Variants in MAP3K12 observed in about 807,000 individuals in gnomAD.
MAP3K12 encodes MAPK-upstream kinase.
Under a neutral mutation model 87.5 loss-of-function variants are expected in MAP3K12, and 14 were observed. That is an observed-to-expected ratio of 0.16 (90% CI 0.11 to 0.25). The LOEUF is 0.25. Ranked by LOEUF, MAP3K12 falls within the 10% of genes least tolerant of loss-of-function variation. MAP3K12 has a pLI of 1.00. For missense variants in MAP3K12, 802 were observed against 1,140.4 expected (o/e 0.70, Z 4.27); for synonymous variants, 469 against 452.5 (o/e 1.04, Z -0.46).
At position 53,483,661 on chromosome 12, in the gene MAP3K12, A is replaced by G; in HGVS notation, c.1421T>C (p.Met474Thr). Reference sequence around the variant, plus strand: ...CTGCAACATGAGGGCATTAAGTTCCATATACAGGTTGTTGGCTCTCTCCAG... The same window carrying G: ...CTGCAACATGAGGGCATTAAGTTCCGTATACAGGTTGTTGGCTCTCTCCAG... The part of the protein sequence containing the change: ...RKLERANNLY[M>T]ELNALMLQLE... The change falls in exon 9 of 14, where the codon ATG becomes ACG. Residue 474 changes from methionine to threonine, a missense_variant. Physicochemically the swap from Met to Thr is moderately conservative, Grantham distance 81 (BLOSUM62 -1). Around this residue, in one of 5 missense-constraint regions of MAP3K12, gnomAD observed 99 missense variants for 193.4 expected, o/e 0.51. Transcript: ENST00000547488. 3 of 1,613,990 alleles carry G rather than the reference A, an allele frequency of 1.9e-6. No individual in the cohort carries two copies. Among genetic ancestry groups the G allele is most frequent in the Non-Finnish European group, 2.5e-6 (3 of 1,180,020 alleles).
At chr12:53,491,594 C>A (rs886144330) in intron 1 of MAP3K12, among the ~76,000 whole-genome samples, 1 of 151,282 alleles carries the variant, frequency 6.6e-6, no homozygotes, top group East Asian at 2.0e-4. Flanking sequence ...CCACGACGCC[C>A]GGCTAATTTT....
chr12:53,481,288 A>G lies in MAP3K12; in HGVS notation c.2581-8T>C. 6.6e-6 allele frequency: 10 copies of G among 1,507,462 alleles called. No individual in the cohort carries two copies. Among genetic ancestry groups the G allele is most frequent in the Non-Finnish European group, 8.9e-6 (10 of 1,121,352 alleles). 93.4% of individuals were successfully genotyped at this position (1,507,462 alleles called of 1,614,324 possible). ...CTCAGAATTGGGAGGGCCCTGTGAGAAAGAGTAGAAATGGAGTGAGATTCC... is the reference window on the plus strand; with the variant it reads ...CTCAGAATTGGGAGGGCCCTGTGAGGAAGAGTAGAAATGGAGTGAGATTCC... On this transcript the variant is annotated splice_polypyrimidine_tract_variant and splice_region_variant and intron_variant, in intron 13 of 13. Transcript: ENST00000547488.
chr12:53,491,006 C>T (rs958039419), intron 1 of MAP3K12, among the ~76,000 whole-genome samples: 4 of 151,990 alleles, frequency 2.6e-5, no homozygotes, highest in South Asian at 2.1e-4. Context: ...GGAAGGCTTA[C>T]GGCTGGGCGT....
At position 53,483,181 on chromosome 12, in the gene MAP3K12, A is replaced by C; in HGVS notation, c.1622T>G (p.Ile541Ser). ...AGGGAGCAAAGACTCCGTCTTGAGG[A>C]TATCTGGCCTGGAAGAAGAGGAAAA... The part of the protein sequence containing the change: ...KLSPHSKRPD[I>S]LKTESLLPKL... Residue 541 changes from isoleucine to serine, a missense_variant, in exon 11 of 14, where the codon ATC becomes AGC. Around this residue, in one of 5 missense-constraint regions of MAP3K12, gnomAD observed 490 missense variants for 496.6 expected, o/e 0.99. Coordinates refer to ENST00000547488, the MANE Select transcript of MAP3K12 (RefSeq NM_001193511.2). 6.6e-7 allele frequency: 1 copy of C among 1,524,774 alleles called. No individual in the cohort carries two copies. The allele number at this position is 1,524,774 out of a possible 1,614,324, so 94.5% of individuals were successfully genotyped here.
chr12:53,483,533 G>A, intron 9 of MAP3K12, 47 bp from the exon 10 acceptor site: 1 of 1,613,828 alleles, frequency 6.2e-7, no homozygotes, highest in South Asian at 1.1e-5. Context: ...CCAGGAAGGG[G>A]CACCCCAGTC....
At position 53,481,066 on chromosome 12, in the gene MAP3K12, T is replaced by A. The variant is rs1299715883; in HGVS notation, c.*116A>T. On this transcript the variant is annotated 3_prime_UTR_variant, in exon 14 of 14. Coordinates refer to ENST00000547488, the MANE Select transcript of MAP3K12 (RefSeq NM_001193511.2). Reference sequence around the variant, plus strand: ...GGGATCAGTCTCCCTCGAGCCTGACTTACGGCTGGGACAGCCCCATCTTTC... The same window carrying A: ...GGGATCAGTCTCCCTCGAGCCTGACATACGGCTGGGACAGCCCCATCTTTC... 2.8e-6 allele frequency: 1 copy of A among 362,608 alleles called. No homozygotes were observed. Among genetic ancestry groups the A allele is most frequent in the African/African-American group, 2.2e-5 (1 of 45,398 alleles). 22.5% of individuals were successfully genotyped at this position (362,608 alleles called of 1,614,324 possible).
At chr12:53,485,954 G>A in intron 4 of MAP3K12, 102 bp downstream of exon 4, 3 of 1,098,692 alleles carry the variant, frequency 2.7e-6, no homozygotes, top group Non-Finnish European at 3.9e-6. Flanking sequence ...TTCTGAGATG[G>A]CCACATGGAC....
chr12:53,484,334 G>A lies in MAP3K12; in HGVS notation c.1171C>T (p.Arg391Ter). ...ATGTCCAGATGCAGCAGGATCTGTCGGAATGATGGGCGATTTCGTGGTTTG... is the reference window on the plus strand; with the variant it reads ...ATGTCCAGATGCAGCAGGATCTGTCAGAATGATGGGCGATTTCGTGGTTTG... ...NSKPRNRPSF[R>*]QILLHLDIAS... The change falls in exon 7 of 14, where the codon CGA (arginine) becomes TGA (stop). Residue 391 changes from arginine to a stop codon, truncating the protein, a stop_gained. Coordinates refer to ENST00000547488, the MANE Select transcript of MAP3K12 (RefSeq NM_001193511.2). LOFTEE classifies it high-confidence loss of function. 1 of 1,614,180 alleles carries A rather than the reference G, an allele frequency of 6.2e-7. No individual in the cohort carries two copies. Among genetic ancestry groups the A allele is most frequent in the Non-Finnish European group, 8.5e-7 (1 of 1,180,028 alleles).
Position 53,483,399 on chromosome 12 carries a change from C to T in MAP3K12, c.1563G>A (p.Lys521=), listed in dbSNP as rs149294066. 1.2e-6 allele frequency: 2 copies of T among 1,614,132 alleles called. No homozygotes were observed. The highest frequency in any genetic ancestry group is 2.2e-5 in the East Asian group (1 of 44,862). Residue 521 remains lysine, a synonymous_variant, in exon 10 of 14, where the codon AAG becomes AAA. Coordinates refer to ENST00000547488, the MANE Select transcript of MAP3K12 (RefSeq NM_001193511.2). ...RGLLHGNTME[K]LIKKRNVPQK... ...GTGGCACATTCCTCTTCTTGATAAG[C>T]TTCTCCATTGTGTTTCCATGCAGGA... is the stretch of plus-strand genomic sequence containing the variant.
In MAP3K12 at chr12:53,479,778, A is replaced by G. The variant is rs1349660887; in HGVS notation, c.*1404T>C. On this transcript the variant is annotated 3_prime_UTR_variant, in exon 14 of 14. Coordinates refer to ENST00000547488, the MANE Select transcript of MAP3K12 (RefSeq NM_001193511.2). ...GTAATGTCAGGAATTTTTCAAAAAA[A>G]TTAAAAGATGGACTGGAGCTTTTTC... 5.4e-6 allele frequency: 1 copy of G among 186,512 alleles called. No homozygotes were observed. Among genetic ancestry groups the G allele is most frequent in the Admixed American group, 6.0e-5 (1 of 16,678 alleles). The allele number at this position is 186,512 out of a possible 1,614,324, so 11.6% of individuals were successfully genotyped here. A position where few individuals can be genotyped will look rare whatever the true frequency, so the allele number is the denominator to read the frequency against.
intron 1 of MAP3K12, among the ~76,000 whole-genome samples, chr12:53,498,726 G>A (rs1423892414): frequency 6.6e-6 from 1 of 152,082 alleles, no homozygotes; most frequent in Non-Finnish European, 1.5e-5. Context: ...AAAGAGGAGG[G>A]AGAAACCCAC....
chr12:53,491,287 C>CAAAAAAA (rs780256956), intron 1 of MAP3K12, among the ~76,000 whole-genome samples: 559 of 52,760 alleles, frequency 0.011, 25 homozygotes, highest in East Asian at 0.075. Flanking sequence ...GACTCTGTCT[C>CAAAAAAA]AAAAAAAAAA....
intron 9 of MAP3K12, 49 bp from the exon 10 acceptor site, chr12:53,483,535 AC>A (rs2137182095): frequency 6.2e-7 from 1 of 1,613,812 alleles, no homozygotes; most frequent in East Asian, 2.2e-5. Flanking sequence ...AGGAAGGGGC[AC>A]CCCAGTCTCA....
At chr12:53,496,430 T>C (rs926201419) in intron 1 of MAP3K12, among the ~76,000 whole-genome samples, 2 of 152,192 alleles carry the variant, frequency 1.3e-5, no homozygotes, top group Non-Finnish European at 2.9e-5. Flanking sequence ...AGATCCTCCC[T>C]TTGATCACGT....
chr12:53,497,359 T>G (rs140531089), intron 1 of MAP3K12, among the ~76,000 whole-genome samples: 2 of 152,018 alleles, frequency 1.3e-5, no homozygotes, highest in Admixed American at 6.6e-5. Context: ...AGGGAGGGTA[T>G]GGGTGGAAAG....
Position 53,487,125 on chromosome 12 carries a change from C to A in MAP3K12, c.267G>T (p.Gly89=). Reference sequence around the variant, plus strand: ...GTGACCCAGCTGCTCCCCCTGGGCCCCCTGCATCCTGCTCATGTAGCTGCA... The same window carrying A: ...GTGACCCAGCTGCTCCCCCTGGGCCACCTGCATCCTGCTCATGTAGCTGCA... The part of the protein sequence containing the change: ...SVLQLHEQDA[G]GPGGAAGSPE... The change falls in exon 2 of 14, where the codon GGG becomes GGT. Residue 89 remains glycine (G), a synonymous_variant. Transcript: ENST00000547488. 1 of 1,614,036 alleles carries A rather than the reference C, an allele frequency of 6.2e-7. No homozygotes were observed. The highest frequency in any genetic ancestry group is 8.5e-7 in the Non-Finnish European group (1 of 1,179,998).
Position 53,486,294 on chromosome 12 carries a change from A to C in MAP3K12, c.630-47T>G. ...GAAGGCCTCAGCTGGCTCAGCATTC[A>C]CCTGATTCATACCTGGAACCCCCAT... is the stretch of plus-strand genomic sequence containing the variant. On this transcript the variant is annotated intron_variant, in intron 3 of 13. Transcript: ENST00000547488. The surrounding 1 kb of genome is among the most constrained non-coding windows in gnomAD (Gnocchi z 4.9). The C allele has an allele frequency of 6.4e-7, 1 of 1,561,606 alleles. No individual in the cohort carries two copies. Among genetic ancestry groups the C allele is most frequent in the South Asian group, 1.2e-5 (1 of 82,814 alleles).
rs557977117 is a variant in MAP3K12 at position 53,482,784 on chromosome 12, A to G, written c.2019T>C (p.Gly673=). 1.9e-6 allele frequency: 3 copies of G among 1,612,646 alleles called. No individual in the cohort carries two copies. The African/African-American group carries it at 4.0e-5, about 22-fold the overall frequency. The change falls in exon 11 of 14, where the codon GGT becomes GGC. Residue 673 remains glycine (G), a synonymous_variant. Transcript: ENST00000547488. ...CTGAGCCCTCACTTGGTGGGGTGTC[A>G]CCCCGGGCCGGAGGTGGTGAGCCAG... ...GDPGSPPPAR[G]DTPPSEGSAP... is the part of the protein sequence containing the mutation.
intron 1 of MAP3K12, among the ~76,000 whole-genome samples, chr12:53,496,797 G>A (rs953648079): frequency 6.6e-6 from 1 of 152,230 alleles, no homozygotes; most frequent in East Asian, 1.9e-4. Context: ...GACTGCTCAT[G>A]CATTCCTTCA....
Sources: gnomAD v4.1 joint callset for allele counts (sites outside exome capture counted in the v4.1 genomes callset) on GRCh38, gnomAD v4.1.1 for gene constraint, gnomAD v4.1.1 regional missense constraint, Gnocchi (gnomAD v3.1) non-coding constraint, MANE v1.5 for transcripts, NCBI Gene and HGNC (gene_info 2026-07-23, HGNC 2026-07-21) for gene names.